Variants in TMEM181 observed in about 807,000 individuals in gnomAD.
The protein encoded by TMEM181 is transmembrane protein 181, also known as G protein-coupled receptor 178.
Under a neutral mutation model 71.9 loss-of-function variants are expected in TMEM181, and 39 were observed. That is an observed-to-expected ratio of 0.54 (90% CI 0.42 to 0.71). The LOEUF is 0.71. Among genes scored for constraint, TMEM181 ranks in the 30% least tolerant of loss-of-function variants. TMEM181 has a pLI of 0.00. For missense variants in TMEM181, 595 were observed against 583.0 expected, an observed-to-expected ratio of 1.02 and a Z score of -0.21; for synonymous variants, 245 against 228.8, an observed-to-expected ratio of 1.07 and a Z score of -0.64.
At chr6:158,545,054 G>C (rs1781480787) in intron 1 of TMEM181, among the ~76,000 whole-genome samples, 1 of 152,208 alleles carries the variant, frequency 6.6e-6, no homozygotes, top group Admixed American at 6.5e-5. Flanking sequence ...CACAGGGAGA[G>C]GATGCTGCCC....
At chr6:158,576,853 G>C (rs1042806953) in intron 2 of TMEM181, among the ~76,000 whole-genome samples, 2 of 151,940 alleles carry the variant, frequency 1.3e-5, no homozygotes, top group African/African-American at 4.8e-5. Flanking sequence ...ACGACGTCAG[G>C]AGATCGAGAC....
Position 158,544,182 on chromosome 6 carries a change from A to AGAGAGAGTGTGTGTGTGTGTGTGTGT in TMEM181, c.131+7318_131+7319insAGAGAGTGTGTGTGTGTGTGTGTGTG, listed in dbSNP as rs149735409. ...GGTTTCTCAGGTGCAAATTGGAGAGAGTGTGTGTGTGTGTGTGTGTGTGTG... is the reference window on the plus strand; with the variant it reads ...GGTTTCTCAGGTGCAAATTGGAGAGAGAGAGAGTGTGTGTGTGTGTGTGTGTGTGTGTGTGTGTGTGTGTGTGTGTG... On this transcript the variant is annotated intron_variant, in intron 1 of 16. Transcript: ENST00000367090. Among the ~76,000 whole-genome samples, 159 of 127,636 alleles carry AGAGAGAGTGTGTGTGTGTGTGTGTGT rather than the reference A, an allele frequency of 1.2e-3. 1 individual carries two copies. Among genetic ancestry groups the AGAGAGAGTGTGTGTGTGTGTGTGTGT allele is most frequent in the African/African-American group, 4.6e-3 (150 of 32,936 alleles). 83.7% of individuals were successfully genotyped at this position (127,636 alleles called of 152,430 possible).
At chr6:158,605,131 A>AGTGTGTGT (rs71030178) in intron 6 of TMEM181, 136 bp from the exon 7 acceptor site, 22,915 of 155,458 alleles carry the variant, frequency 0.15, 979 homozygotes, top group Admixed American at 0.21. Flanking sequence ...AAAAAAAAAA[A>AGTGTGTGT]GTGTGTGTGT....
At chr6:158,538,266 C>T (rs1161705448) in intron 1 of TMEM181, among the ~76,000 whole-genome samples, 1 of 151,830 alleles carries the variant, frequency 6.6e-6, no homozygotes, top group Non-Finnish European at 1.5e-5. Context: ...CCAAGCAATC[C>T]TTCTACCTCA....
chr6:158,593,331 T>C (rs1359951475), intron 6 of TMEM181, among the ~76,000 whole-genome samples: 3 of 152,258 alleles, frequency 2.0e-5, no homozygotes, highest in Non-Finnish European at 4.4e-5. Context: ...TATAGAAAAC[T>C]AGACGTCTAG....
chr6:158,605,058 G>A (rs1196948872), intron 6 of TMEM181, among the ~76,000 whole-genome samples: 1 of 150,866 alleles, frequency 6.6e-6, no homozygotes, highest in Admixed American at 6.6e-5. Flanking sequence ...AGGTTGCAGT[G>A]AGCGAAGATT....
At chr6:158,573,563 G>A (rs1420719979) in intron 2 of TMEM181, 40 bp downstream of exon 2, 10 of 1,519,900 alleles carry the variant, frequency 6.6e-6, no homozygotes, top group African/African-American at 2.8e-5. Context: ...TTTGCCATGC[G>A]CGGTGGCCCT....
At chr6:158,566,978 C>T (rs1012236246) in intron 1 of TMEM181, among the ~76,000 whole-genome samples, 1 of 152,136 alleles carries the variant, frequency 6.6e-6, no homozygotes, top group African/African-American at 2.4e-5. Flanking sequence ...TTCTAGGAAA[C>T]ACATCTGTGA....
intron 1 of TMEM181, among the ~76,000 whole-genome samples, chr6:158,546,750 G>A (rs2128279674): frequency 6.6e-6 from 1 of 152,228 alleles, no homozygotes; most frequent in Admixed American, 6.5e-5. Flanking sequence ...CAAGGGTCAG[G>A]AGTTCGAGAC....
intron 1 of TMEM181, among the ~76,000 whole-genome samples, chr6:158,539,667 A>G (rs550475055): frequency 6.6e-6 from 1 of 152,324 alleles, no homozygotes; most frequent in Admixed American, 6.5e-5. Flanking sequence ...TTGCTACATA[A>G]TTTGGCATCA....
chr6:158,626,374 TC>T, intron 13 of TMEM181: 1 of 456,582 alleles, frequency 2.2e-6, no homozygotes, highest in Non-Finnish European at 4.4e-6. Context: ...TTTGTCTGTT[TC>T]TCCTAAAATC....
intron 6 of TMEM181, among the ~76,000 whole-genome samples, chr6:158,596,586 A>G (rs1784401195): frequency 6.6e-6 from 1 of 152,154 alleles, no homozygotes; most frequent in Non-Finnish European, 1.5e-5. Context: ...GTTGATGACA[A>G]TCAAATTCAG....
At chr6:158,562,755 C>T (rs764120389) in intron 1 of TMEM181, among the ~76,000 whole-genome samples, 13 of 152,040 alleles carry the variant, frequency 8.6e-5, no homozygotes, top group Non-Finnish European at 1.5e-4. Flanking sequence ...GTTTTTTGTT[C>T]TGACCAAAAT....
chr6:158,565,560 A>G (rs1782442223), intron 1 of TMEM181, among the ~76,000 whole-genome samples: 1 of 152,202 alleles, frequency 6.6e-6, no homozygotes, highest in Admixed American at 6.5e-5. Flanking sequence ...TCAATGTTGC[A>G]ATTCAGTGGT....
At chr6:158,595,243 T>G (rs1433666762) in intron 6 of TMEM181, among the ~76,000 whole-genome samples, 1 of 152,254 alleles carries the variant, frequency 6.6e-6, no homozygotes, top group Admixed American at 6.5e-5. Flanking sequence ...TATTTCTATC[T>G]AATCTGGCTT....
intron 5 of TMEM181, among the ~76,000 whole-genome samples, chr6:158,585,660 G>A (rs545027105): frequency 6.6e-5 from 10 of 152,242 alleles, no homozygotes; most frequent in African/African-American, 1.9e-4. Context: ...GTAAACACAC[G>A]TGTACGCACA....
At chr6:158,624,263 G>A (rs986012444) in intron 11 of TMEM181, among the ~76,000 whole-genome samples, 1 of 152,220 alleles carries the variant, frequency 6.6e-6, no homozygotes, top group African/African-American at 2.4e-5. Flanking sequence ...AGCCTTCTCG[G>A]TGCTAAACAC....
intron 1 of TMEM181, 74 bp downstream of exon 1, chr6:158,560,306 C>T (rs1235888747): frequency 8.1e-6 from 8 of 985,186 alleles, no homozygotes; most frequent in African/African-American, 1.7e-5. Flanking sequence ...ATCCCTGGCT[C>T]CCGGCGCCGT....
intron 3 of TMEM181, among the ~76,000 whole-genome samples, chr6:158,582,083 C>G (rs1419155381): frequency 6.6e-6 from 1 of 152,086 alleles, no homozygotes; most frequent in Admixed American, 6.6e-5. Flanking sequence ...AAACTTACAC[C>G]ATTTGATTTT....
Sources: gnomAD v4.1 joint callset for allele counts (sites outside exome capture counted in the v4.1 genomes callset) on GRCh38, gnomAD v4.1.1 for gene constraint, MANE v1.5 for transcripts, NCBI Gene and HGNC (gene_info 2026-07-23, HGNC 2026-07-21) for gene names.